CAPS2: variants seen among roughly 807,000 people sequenced by gnomAD.
CAPS2 encodes the protein calcyphosine 2.
In CAPS2, 98 loss-of-function variants were observed where a neutral mutation model predicts 86.5. The ratio of observed to expected loss-of-function variants is 1.13; its 90% CI spans 0.96 to 1.34. The LOEUF (loss-of-function observed/expected upper bound fraction) is 1.34, where lower values mean the gene tolerates loss of function less well. Ranked by LOEUF, CAPS2 falls within the 40% of genes most tolerant of loss-of-function variation. CAPS2 has a pLI of 0.00. For synonymous variants in CAPS2, 210 were observed against 225.1 expected, an observed-to-expected ratio of 0.93 and a Z score of 0.60; for missense variants, 729 against 686.8, an observed-to-expected ratio of 1.06 and a Z score of -0.69.
chr12:75,286,381 C>A (rs2034868717), intron 14 of CAPS2, among the ~76,000 whole-genome samples: 1 of 151,786 alleles, frequency 6.6e-6, no homozygotes, highest in South Asian at 2.1e-4. Context: ...CAGGAGAAGA[C>A]CAATTTGCTC....
downstream of CAPS2, chr12:75,276,992 A>G: frequency 1.0e-6 from 1 of 984,536 alleles, no homozygotes; most frequent in African/African-American, 1.7e-5. Context: ...AACAGATTTT[A>G]CTATACCAAA....
At chr12:75,344,436 A>G (rs577472816) in intron 1 of CAPS2, among the ~76,000 whole-genome samples, 59 of 152,064 alleles carry the variant, frequency 3.9e-4, no homozygotes, top group African/African-American at 1.3e-3. Flanking sequence ...TTTGTTTTCA[A>G]TCTTGCACCT....
At chr12:75,364,294 T>C (rs1196368383) in intron 1 of CAPS2, among the ~76,000 whole-genome samples, 2 of 152,204 alleles carry the variant, frequency 1.3e-5, no homozygotes, top group South Asian at 2.1e-4. Context: ...TTGCCAAAAG[T>C]AGAGGTCCAT....
intron 1 of CAPS2, among the ~76,000 whole-genome samples, chr12:75,361,319 A>G (rs1220497745): frequency 2.6e-5 from 4 of 152,224 alleles, no homozygotes; most frequent in Admixed American, 6.5e-5. Flanking sequence ...GTGGGTATCA[A>G]TCAGAGGAGA....
At chr12:75,292,788 A>T (rs1565800914) in intron 12 of CAPS2, among the ~76,000 whole-genome samples, 1 of 149,840 alleles carries the variant, frequency 6.7e-6, no homozygotes, top group Non-Finnish European at 1.5e-5. Context: ...TCATTTTAAA[A>T]GCAATGTTTG....
At chr12:75,378,241 C>G (rs2044765666) in intron 1 of CAPS2, among the ~76,000 whole-genome samples, 1 of 152,072 alleles carries the variant, frequency 6.6e-6, no homozygotes, top group Non-Finnish European at 1.5e-5. Context: ...TCAAAGCAAT[C>G]CACCTGCCTC....
chr12:75,316,158 A>T (rs2039736428), intron 6 of CAPS2, 154 bp downstream of exon 6: 2 of 953,020 alleles, frequency 2.1e-6, no homozygotes, highest in Non-Finnish European at 1.5e-6. Context: ...CAATTCAATC[A>T]TTTATAAAAA....
intron 16 of CAPS2, among the ~76,000 whole-genome samples, chr12:75,279,446 A>G (rs926929735): frequency 1.3e-5 from 2 of 152,060 alleles, no homozygotes; most frequent in Non-Finnish European, 2.9e-5. Context: ...AAAAATTTCT[A>G]TGTGACCCTC....
intron 1 of CAPS2, chr12:75,361,096 G>A (rs1237931125): frequency 6.6e-6 from 1 of 152,154 alleles, no homozygotes; most frequent in African/African-American, 2.4e-5. Flanking sequence ...GGAAGGGGAT[G>A]GTTCCCCTAC....
chr12:75,317,688 C>T (rs1462651804), intron 5 of CAPS2, among the ~76,000 whole-genome samples: 3 of 152,014 alleles, frequency 2.0e-5, no homozygotes, highest in Non-Finnish European at 2.9e-5. Flanking sequence ...ATTTAACTGA[C>T]ATTAAAAATT....
chr12:75,360,749 G>A (rs1246940681), intron 1 of CAPS2: 1 of 152,188 alleles, frequency 6.6e-6, no homozygotes, highest in East Asian at 1.9e-4. Context: ...TGTGCCAGTG[G>A]GGACTCTGTG....
intron 1 of CAPS2, among the ~76,000 whole-genome samples, chr12:75,368,499 C>T (rs1015662888): frequency 1.3e-5 from 2 of 151,446 alleles, no homozygotes; most frequent in Non-Finnish European, 2.9e-5. Context: ...TTAAGTGATG[C>T]CCCAGGAATA....
intron 1 of CAPS2, chr12:75,366,924 A>AC (rs1173226888): frequency 4.3e-6 from 3 of 701,812 alleles, no homozygotes; most frequent in Admixed American, 4.0e-5. Context: ...GGGGTTAACC[A>AC]CCCAGACATT....
intron 1 of CAPS2, chr12:75,343,985 T>C (rs759744058): frequency 6.8e-7 from 1 of 1,460,286 alleles, no homozygotes; most frequent in Non-Finnish European, 9.3e-7. Context: ...TGTGCATATT[T>C]TAATTGCCAG....
downstream of CAPS2, chr12:75,276,171 G>T: frequency 6.6e-7 from 1 of 1,523,882 alleles, no homozygotes; most frequent in South Asian, 1.3e-5. Context: ...TTTTATATAT[G>T]CCCATTACCT....
At chr12:75,359,357 CTTTTTTTTTTTTTTT>C (rs61616225) in intron 1 of CAPS2, among the ~76,000 whole-genome samples, 3 of 28,586 alleles carry the variant, frequency 1.0e-4, no homozygotes, top group East Asian at 8.3e-4. Flanking sequence ...GCATTGTTGT[CTTTTTTTTTTTTTTT>C]TTTTTTTTTT....
upstream of CAPS2, among the ~76,000 whole-genome samples, chr12:75,332,514 A>G (rs1021568737): frequency 3.3e-5 from 5 of 152,232 alleles, no homozygotes; most frequent in African/African-American, 9.6e-5. Flanking sequence ...AAAGTGAAAT[A>G]TATAAGCTTA....
At position 75,292,318 on chromosome 12, in the gene CAPS2, A is replaced by G. The variant is rs866385515; in HGVS notation, c.1164-498T>C. On this transcript the variant is annotated intron_variant, in intron 12 of 16. Coordinates refer to ENST00000393284, the Ensembl canonical transcript of CAPS2. ...CTTGACCTTGTGATCCGCCCACCTC[A>G]GCCTCCCAAAGTGCTGGGATTACAG... Among the ~76,000 whole-genome samples, 4 of 152,068 alleles carry G rather than the reference A, an allele frequency of 2.6e-5. No individual in the cohort carries two copies. In the South Asian group the frequency reaches 8.3e-4, roughly 31 times the overall value.
intron 7 of CAPS2, chr12:75,305,543 C>CTCCG: frequency 1.6e-6 from 1 of 623,766 alleles, no homozygotes; most frequent in Admixed American, 2.0e-5. Flanking sequence ...GTAGGCGTTC[C>CTCCG]TCCGTCCGCG....
Sources: allele counts gnomAD v4.1 joint callset (sites outside exome capture counted in the v4.1 genomes callset), GRCh38; gene constraint gnomAD v4.1.1; transcripts MANE v1.5; gene names NCBI Gene and HGNC (gene_info 2026-07-23, HGNC 2026-07-21).